The following DPP10 variants were observed in gnomAD, a reference collection of about 807,000 sequenced individuals.
The protein encoded by DPP10 is dipeptidyl peptidase like 10, also known as inactive dipeptidyl peptidase 10.
In DPP10, 33 loss-of-function variants were observed where a neutral mutation model predicts 120.9. The ratio of observed to expected loss-of-function variants is 0.27; its 90% CI spans 0.21 to 0.37. The LOEUF (loss-of-function observed/expected upper bound fraction) is 0.37. DPP10 is among the 10% of genes least tolerant of loss of function. The probability of loss-of-function intolerance (pLI) is 1.00; values close to 1 mark genes in which losing one functional copy is unlikely to be tolerated. For missense variants in DPP10, 816 were observed against 942.8 expected (o/e 0.87, Z 1.76); for synonymous variants, 337 against 326.1 (o/e 1.03, Z -0.36).
intron 1 of DPP10, among the ~76,000 whole-genome samples, chr2:114,824,120 T>G (rs1258786582): frequency 6.6e-6 from 1 of 152,188 alleles, no homozygotes; most frequent in Non-Finnish European, 1.5e-5. Flanking sequence ...TTAACCAGAG[T>G]AGTCTTATGT....
chr2:115,253,779 T>G (rs754520927), intron 1 of DPP10, among the ~76,000 whole-genome samples: 1 of 152,186 alleles, frequency 6.6e-6, no homozygotes, highest in Non-Finnish European at 1.5e-5. Context: ...CTGTTGGGTG[T>G]TTTTCCAAGT....
At chr2:114,884,155 A>G (rs1269863646) in intron 1 of DPP10, among the ~76,000 whole-genome samples, 1 of 152,216 alleles carries the variant, frequency 6.6e-6, no homozygotes, top group Admixed American at 6.5e-5. Context: ...GTAATGAGGC[A>G]CTATTATACC....
chr2:115,225,494 T>TGTGTGTGTGTGTGTGC (rs2057389176), intron 1 of DPP10, among the ~76,000 whole-genome samples: 1 of 19,638 alleles, frequency 5.1e-5, no homozygotes, highest in Non-Finnish European at 1.3e-4. Context: ...ACCGCATGAA[T>TGTGTGTGTGTGTGTGC]GTGTGTGTGT....
chr2:115,016,198 C>T (rs2105130379), intron 1 of DPP10, among the ~76,000 whole-genome samples: 1 of 152,224 alleles, frequency 6.6e-6, no homozygotes, highest in East Asian at 1.9e-4. Flanking sequence ...AGAAATAATG[C>T]CACATATCTA....
At chr2:114,796,568 A>C (rs1683735429) in intron 1 of DPP10, among the ~76,000 whole-genome samples, 1 of 152,130 alleles carries the variant, frequency 6.6e-6, no homozygotes, top group African/African-American at 2.4e-5. Flanking sequence ...TTAAGTTTTT[A>C]GGAAGTTAAA....
At chr2:114,579,974 C>T (rs1461712228) in intron 1 of DPP10, among the ~76,000 whole-genome samples, 1 of 152,134 alleles carries the variant, frequency 6.6e-6, no homozygotes, top group African/African-American at 2.4e-5. Context: ...CTTTCATTAA[C>T]AAAATTATGT....
intron 5 of DPP10, among the ~76,000 whole-genome samples, chr2:115,561,358 CA>C (rs11421762): frequency 0.028 from 1,672 of 59,684 alleles, 6 homozygotes; most frequent in African/African-American, 0.11. Context: ...GACTCCATCA[CA>C]AAAAAAAAAA....
chr2:115,186,978 A>G (rs2054487390), intron 1 of DPP10, among the ~76,000 whole-genome samples: 1 of 143,520 alleles, frequency 7.0e-6, no homozygotes, highest in East Asian at 2.1e-4. Context: ...CAATTCTGCC[A>G]GGTTCTAGCC....
At chr2:115,748,136 A>G (rs1402347765) in intron 10 of DPP10, among the ~76,000 whole-genome samples, 1 of 151,994 alleles carries the variant, frequency 6.6e-6, no homozygotes, top group African/African-American at 2.4e-5. Context: ...TTGTGTTCAT[A>G]GTATAGCTAC....
chr2:115,393,671 C>G (rs1221602747), intron 3 of DPP10, among the ~76,000 whole-genome samples: 3 of 152,190 alleles, frequency 2.0e-5, no homozygotes, highest in Admixed American at 1.3e-4. Context: ...GAACTTGTTA[C>G]TTTCTCTACT....
At chr2:114,726,975 G>A (rs72830377) in intron 1 of DPP10, among the ~76,000 whole-genome samples, 1 of 152,230 alleles carries the variant, frequency 6.6e-6, no homozygotes, top group African/African-American at 2.4e-5. Context: ...TTCTCAGAGA[G>A]AGGAAGATGC....
intron 3 of DPP10, among the ~76,000 whole-genome samples, chr2:115,372,207 G>A (rs906193878): frequency 2.6e-5 from 4 of 152,196 alleles, no homozygotes; most frequent in Admixed American, 2.6e-4. Flanking sequence ...TATGAATTAT[G>A]AAAGGAGAAC....
At chr2:114,669,944 G>A (rs1267828071) in intron 1 of DPP10, among the ~76,000 whole-genome samples, 1 of 152,080 alleles carries the variant, frequency 6.6e-6, no homozygotes, top group Non-Finnish European at 1.5e-5. Context: ...GGCCATCAGA[G>A]AAATGCAAAT....
chr2:115,717,376 T>C (rs974434120), intron 7 of DPP10, among the ~76,000 whole-genome samples: 1 of 151,960 alleles, frequency 6.6e-6, no homozygotes. Flanking sequence ...ACTTAAAGTA[T>C]AATAAAAAAT....
intron 1 of DPP10, among the ~76,000 whole-genome samples, chr2:115,008,203 CA>C (rs1701997403): frequency 7.8e-6 from 1 of 127,446 alleles, no homozygotes; most frequent in African/African-American, 2.9e-5. Context: ...GTAACCAAAA[CA>C]GCATGGTACT....
intron 5 of DPP10, among the ~76,000 whole-genome samples, chr2:115,666,655 C>T (rs2089478582): frequency 2.0e-5 from 3 of 152,084 alleles, no homozygotes; most frequent in Admixed American, 6.5e-5. Context: ...GTTTAGTCTC[C>T]TGATGATGGG....
intron 1 of DPP10, among the ~76,000 whole-genome samples, chr2:114,535,440 G>T (rs1249819057): frequency 6.6e-6 from 1 of 152,064 alleles, no homozygotes; most frequent in East Asian, 1.9e-4. Flanking sequence ...TTTCCCTCTA[G>T]GTTTAGCAGT....
chr2:115,663,817 AAAACCCGTC>A, intron 5 of DPP10, among the ~76,000 whole-genome samples: 1 of 152,192 alleles, frequency 6.6e-6, no homozygotes, highest in African/African-American at 2.4e-5. Context: ...CAACATGGTG[AAAACCCGTC>A]TCCACTCAAA....
intron 1 of DPP10, among the ~76,000 whole-genome samples, chr2:114,821,770 G>T (rs1167294725): frequency 6.6e-6 from 1 of 152,180 alleles, no homozygotes; most frequent in Non-Finnish European, 1.5e-5. Flanking sequence ...ATCCAATAGG[G>T]TAGTAATTAA....
Sources: gnomAD v4.1 joint callset for allele counts (sites outside exome capture counted in the v4.1 genomes callset) on GRCh38, gnomAD v4.1.1 for gene constraint, MANE v1.5 for transcripts, NCBI Gene and HGNC (gene_info 2026-07-23, HGNC 2026-07-21) for gene names.